Variants in PAPPA observed in about 807,000 individuals in gnomAD.
The protein encoded by PAPPA is pappalysin 1.
PAPPA carries 60 observed loss-of-function variants against 164.0 expected under a neutral mutation model. The ratio of observed to expected loss-of-function variants is 0.37; its 90% confidence interval spans 0.30 to 0.45. The LOEUF is 0.45. Among genes scored for constraint, PAPPA ranks in the 20% least tolerant of loss-of-function variants. The probability of loss-of-function intolerance (pLI) is 1.00; values close to 1 mark genes in which losing one functional copy is unlikely to be tolerated. For missense variants in PAPPA, 1,782 were observed against 2,087.3 expected, an observed-to-expected ratio of 0.85 and a Z score of 2.85; for synonymous variants, 875 against 814.1, an observed-to-expected ratio of 1.07 and a Z score of -1.27.
chr9:116,226,162 G>A (rs1365597390), intron 5 of PAPPA, among the ~76,000 whole-genome samples: 4 of 152,216 alleles, frequency 2.6e-5, no homozygotes, highest in African/African-American at 7.2e-5. Context: ...CAAAGCTAGA[G>A]TGAAGCAGAG....
At chr9:116,343,318 C>T (rs1846162085) in intron 13 of PAPPA, among the ~76,000 whole-genome samples, 1 of 152,132 alleles carries the variant, frequency 6.6e-6, no homozygotes, top group African/African-American at 2.4e-5. Flanking sequence ...GATTAGCCTG[C>T]AATCTGTTAT....
At chr9:116,275,932 G>C (rs1021282320) in intron 9 of PAPPA, among the ~76,000 whole-genome samples, 1 of 152,074 alleles carries the variant, frequency 6.6e-6, no homozygotes, top group Non-Finnish European at 1.5e-5. Context: ...CCCACCCCTG[G>C]TGCCCTCATC....
In PAPPA at chr9:116,332,361, C is replaced by T; in HGVS notation, c.3290C>T (p.Ala1097Val). ...RAYFSQPMVA[A>V]AVIVHLVTDG... ...TATTTTTCTCAACCAATGGTTGCCG[C>T]AGCTGTCATTGTCCACCTGGTGACG... The change falls in exon 12 of 22, where the codon GCA becomes GTA. Residue 1097 changes from alanine to valine, a missense_variant. Transcript: ENST00000328252. 5 of 1,613,850 alleles carry T rather than the reference C, an allele frequency of 3.1e-6. No individual in the cohort carries two copies. Among genetic ancestry groups the T allele is most frequent in the Non-Finnish European group, 4.2e-6 (5 of 1,179,754 alleles).
At position 116,247,407 on chromosome 9, in the gene PAPPA, C is replaced by G. The variant is rs147340875; in HGVS notation, c.2732+11770C>G. Among the ~76,000 whole-genome samples the G allele has an allele frequency of 8.5e-4, 130 of 152,252 alleles. 1 individual carries two copies. The East Asian group carries it at 0.024, about 29-fold the overall frequency. ...TCTGACATTGTTTGAAAAAGGTACC[C>G]TGTTTTCTTATCACATATCATATGA... On this transcript the variant is annotated intron_variant, in intron 7 of 21. Transcript: ENST00000328252.
At chr9:116,235,029 CTCTG>C (rs1453727520) in intron 6 of PAPPA, 106 bp from the exon 7 acceptor site, 1 of 1,212,690 alleles carries the variant, frequency 8.2e-7, no homozygotes, top group African/African-American at 1.5e-5. Context: ...TCCTTTTCCC[CTCTG>C]TCTAAGTTCT....
chr9:116,154,871 G>A lies in PAPPA; in HGVS notation c.415+284G>A, dbSNP rs1470777011. 6.6e-6 allele frequency among the ~76,000 whole-genome samples: 1 copy of A among 152,226 alleles called. No individual in the cohort carries two copies. Among genetic ancestry groups the A allele is most frequent in the Non-Finnish European group, 1.5e-5 (1 of 68,038 alleles). On this transcript the variant is annotated intron_variant, in intron 1 of 21. Coordinates refer to ENST00000328252, the MANE Select transcript of PAPPA (RefSeq NM_002581.5). This position sits in a 1 kb window ranked among gnomAD's most constrained non-coding sequence, Gnocchi z 5.2. ...CGGCCAGTGAGGGCTGGTTCCCGGA[G>A]CCTAGGGCACGTAACCCGTGCTCCG...
chr9:116,362,459 T>G, intron 17 of PAPPA, 133 bp from the exon 18 acceptor site: 1 of 895,906 alleles, frequency 1.1e-6, no homozygotes, highest in Non-Finnish European at 1.7e-6. Flanking sequence ...GTTTCAACCA[T>G]TGTTAAGAAA....
intron 8 of PAPPA, among the ~76,000 whole-genome samples, chr9:116,267,842 TCTGCAGTCC>T (rs1228505993): frequency 7.7e-6 from 1 of 129,558 alleles, no homozygotes; most frequent in African/African-American, 3.0e-5. Context: ...GCCACTGCAG[TCTGCAGTCC>T]GGCCTGGGCG....
chr9:116,244,922 A>G (rs923287529), intron 7 of PAPPA, among the ~76,000 whole-genome samples: 28 of 152,294 alleles, frequency 1.8e-4, no homozygotes, highest in Middle Eastern at 3.4e-3. Flanking sequence ...GCATCCATCA[A>G]TGGATGATGG....
intron 13 of PAPPA, among the ~76,000 whole-genome samples, chr9:116,335,410 CT>C (rs1448498827): frequency 2.6e-5 from 4 of 152,108 alleles, no homozygotes; most frequent in African/African-American, 9.7e-5. Context: ...GATTAGCTCT[CT>C]TTTATCTCTG....
rs138218714 is a variant in PAPPA at position 116,282,993 on chromosome 9, T to C, written c.2953+11577T>C. Among the ~76,000 whole-genome samples, 282 of 152,272 alleles carry C rather than the reference T, an allele frequency of 1.9e-3. 1 individual carries two copies. Among genetic ancestry groups the C allele is most frequent in the African/African-American group, 6.6e-3 (274 of 41,542 alleles). ...GAAATTATAATAATTATTAAAGGAC[T>C]GAGTTTTTTTCATTTTATCTTACTG... On this transcript the variant is annotated intron_variant, in intron 9 of 21. Transcript: ENST00000328252.
intron 17 of PAPPA, among the ~76,000 whole-genome samples, chr9:116,360,238 AT>A (rs1424280045): frequency 6.6e-6 from 1 of 152,112 alleles, no homozygotes; most frequent in Non-Finnish European, 1.5e-5. Context: ...CAGGAGAATC[AT>A]GGGGCCTAGA....
intron 9 of PAPPA, among the ~76,000 whole-genome samples, chr9:116,275,743 T>C (rs1021815052): frequency 2.0e-5 from 3 of 152,086 alleles, no homozygotes; most frequent in Non-Finnish European, 4.4e-5. Flanking sequence ...CTTGTCCTTC[T>C]CCTGCTTCAA....
chr9:116,355,475 G>A lies in PAPPA; in HGVS notation c.4347+1682G>A, dbSNP rs1003839799. ...GAGAATCCTGTTCTCATACACTCTC[G>A]GCGTCTGTTTGCATTCATGGGAGTC... On this transcript the variant is annotated intron_variant, in intron 17 of 21. Transcript: ENST00000328252. Among the ~76,000 whole-genome samples, 5 of 152,248 alleles carry A rather than the reference G, an allele frequency of 3.3e-5. No individual in the cohort carries two copies. The East Asian group carries it at 5.8e-4, about 18-fold the overall frequency.
intron 10 of PAPPA, among the ~76,000 whole-genome samples, chr9:116,308,824 A>G (rs1232408911): frequency 6.6e-6 from 1 of 152,222 alleles, no homozygotes; most frequent in East Asian, 1.9e-4. Flanking sequence ...AGAGTTTTCT[A>G]AAATGTGTGT....
chr9:116,171,414 G>T (rs989849594), intron 1 of PAPPA, among the ~76,000 whole-genome samples: 2 of 152,224 alleles, frequency 1.3e-5, no homozygotes, highest in African/African-American at 4.8e-5. Flanking sequence ...ATACAGTGAG[G>T]TCTTTGTATT....
intron 2 of PAPPA, among the ~76,000 whole-genome samples, chr9:116,199,878 A>G (rs977422799): frequency 8.5e-5 from 13 of 152,094 alleles, no homozygotes; most frequent in African/African-American, 3.1e-4. Flanking sequence ...TGGCAAGAGA[A>G]GAAGCAAGAG....
chr9:116,214,306 C>T (rs747093702), intron 4 of PAPPA, among the ~76,000 whole-genome samples: 106 of 152,052 alleles, frequency 7.0e-4, no homozygotes, highest in Non-Finnish European at 9.3e-4. Flanking sequence ...TGTGACATGC[C>T]GGACACTGTA....
At chr9:116,184,233 C>T (rs969275613) in intron 1 of PAPPA, among the ~76,000 whole-genome samples, 16 of 152,218 alleles carry the variant, frequency 1.1e-4, no homozygotes, top group South Asian at 8.3e-4. Flanking sequence ...ATAGATCTGG[C>T]GCAACTCACT....
Sources: allele counts gnomAD v4.1 joint callset (sites outside exome capture counted in the v4.1 genomes callset), GRCh38; gene constraint gnomAD v4.1.1; non-coding constraint Gnocchi (gnomAD v3.1); transcripts MANE v1.5; gene names NCBI Gene and HGNC (gene_info 2026-07-23, HGNC 2026-07-21).